Variants in TMCC1 observed in about 807,000 individuals in gnomAD.
TMCC1 encodes transmembrane and coiled-coil domains protein 1.
Under a neutral mutation model 52.4 loss-of-function variants are expected in TMCC1, and 15 were observed. The observed-to-expected ratio is 0.29, with a 90% confidence interval of 0.19 to 0.44. The LOEUF (loss-of-function observed/expected upper bound fraction) is 0.44. Among genes scored for constraint, TMCC1 ranks in the 20% least tolerant of loss-of-function variants. The probability of loss-of-function intolerance (pLI) is 1.00; values close to 1 mark genes in which losing one functional copy is unlikely to be tolerated. For synonymous variants in TMCC1, 279 were observed against 301.9 expected (o/e 0.92, Z 0.79); for missense variants, 503 against 806.0 (o/e 0.62, Z 4.55).
intron 1 of TMCC1, among the ~76,000 whole-genome samples, chr3:129,884,829 C>T (rs1560618827): frequency 6.6e-6 from 1 of 152,028 alleles, no homozygotes; most frequent in Middle Eastern, 3.4e-3. Flanking sequence ...CAATGGAACT[C>T]GAAAGTCATT....
chr3:129,670,179 C>A, intron 5 of TMCC1, 151 bp downstream of exon 5: 1 of 729,680 alleles, frequency 1.4e-6, no homozygotes, highest in Non-Finnish European at 2.2e-6. Context: ...AGCAATGCTT[C>A]ATCAGGAACT....
Position 129,849,421 on chromosome 3 carries a change from C to T in TMCC1, c.-183-16595G>A, listed in dbSNP as rs971583135. ...GTTGCAGTGAGCTGAGATTGCATGC[C>T]ACTGCACTCCAACCTGGGCAACAGA... On this transcript the variant is annotated intron_variant, in intron 2 of 6. Transcript: ENST00000393238. 2.0e-5 allele frequency among the ~76,000 whole-genome samples: 3 copies of T among 151,192 alleles called. No homozygotes were observed. The East Asian group carries it at 5.8e-4, about 29-fold the overall frequency.
chr3:129,866,251 TAATA>T (rs1490918544), intron 2 of TMCC1, among the ~76,000 whole-genome samples: 1 of 145,680 alleles, frequency 6.9e-6, no homozygotes, highest in Non-Finnish European at 1.5e-5. Context: ...TACATATATA[TAATA>T]TATATTATAC....
chr3:129,892,690 C>T (rs995210242), intron 1 of TMCC1: 2 of 152,218 alleles, frequency 1.3e-5, no homozygotes, highest in African/African-American at 4.8e-5. Flanking sequence ...GCCAACAGCT[C>T]AAGTGGGCTG....
At chr3:129,756,833 T>C (rs1241960662) in intron 4 of TMCC1, among the ~76,000 whole-genome samples, 2 of 152,208 alleles carry the variant, frequency 1.3e-5, no homozygotes, top group Non-Finnish European at 2.9e-5. Context: ...TGCCAGCAGT[T>C]GGTAGTGAGG....
chr3:129,810,050 G>C (rs2057714871), intron 4 of TMCC1, among the ~76,000 whole-genome samples: 1 of 152,122 alleles, frequency 6.6e-6, no homozygotes, highest in Non-Finnish European at 1.5e-5. Context: ...AAAAGATACT[G>C]ATACAGAACT....
chr3:129,774,643 G>T (rs979529284), intron 4 of TMCC1, among the ~76,000 whole-genome samples: 2 of 152,158 alleles, frequency 1.3e-5, no homozygotes, highest in African/African-American at 4.8e-5. Flanking sequence ...TTGGAGAAAT[G>T]ACACCTAGGC....
intron 4 of TMCC1, among the ~76,000 whole-genome samples, chr3:129,802,285 C>G (rs569367145): frequency 6.6e-6 from 1 of 152,288 alleles, no homozygotes; most frequent in East Asian, 1.9e-4. Flanking sequence ...AATATTACAC[C>G]TATGATTCCC....
intron 4 of TMCC1, among the ~76,000 whole-genome samples, chr3:129,768,625 G>A (rs1364203183): frequency 6.6e-6 from 1 of 152,154 alleles, no homozygotes; most frequent in African/African-American, 2.4e-5. Context: ...TCTGGTTTAG[G>A]ACTGTGCACA....
chr3:129,723,051 T>C (rs1015491030), intron 4 of TMCC1, among the ~76,000 whole-genome samples: 1 of 152,176 alleles, frequency 6.6e-6, no homozygotes, highest in Admixed American at 6.5e-5. Flanking sequence ...TTAGTATTTA[T>C]CTCTTAGAAA....
At chr3:129,832,649 C>A (rs1286072154) in intron 3 of TMCC1, 125 bp downstream of exon 3, 1 of 152,058 alleles carries the variant, frequency 6.6e-6, no homozygotes, top group Non-Finnish European at 1.5e-5. Context: ...ATTGCTTTGT[C>A]TTTTTTTCCC....
chr3:129,661,445 C>T (rs995023388), intron 5 of TMCC1, among the ~76,000 whole-genome samples: 15 of 151,970 alleles, frequency 9.9e-5, no homozygotes, highest in African/African-American at 2.9e-4. Flanking sequence ...GAAAAACCCA[C>T]AAACAAAAAC....
chr3:129,829,635 T>C (rs1252577890), intron 3 of TMCC1, among the ~76,000 whole-genome samples: 1 of 151,510 alleles, frequency 6.6e-6, no homozygotes, highest in Non-Finnish European at 1.5e-5. Flanking sequence ...TTTCTTTAAA[T>C]TTTTGTTTAA....
At chr3:129,885,583 T>C (rs2061655980) in intron 1 of TMCC1, among the ~76,000 whole-genome samples, 1 of 151,916 alleles carries the variant, frequency 6.6e-6, no homozygotes, top group South Asian at 2.1e-4. Flanking sequence ...AGACTTCATC[T>C]CAAAAAATAG....
At chr3:129,835,601 C>T (rs2059123488) in intron 2 of TMCC1, among the ~76,000 whole-genome samples, 1 of 151,970 alleles carries the variant, frequency 6.6e-6, no homozygotes, top group Non-Finnish European at 1.5e-5. Context: ...TTGTACTGTC[C>T]AAGAGTGTAA....
chr3:129,853,653 C>T (rs891839852), intron 2 of TMCC1, among the ~76,000 whole-genome samples: 55 of 142,572 alleles, frequency 3.9e-4, no homozygotes, highest in African/African-American at 1.4e-3. Context: ...AAAAAAAAAT[C>T]AATAAAATAA....
intron 4 of TMCC1, among the ~76,000 whole-genome samples, chr3:129,745,426 G>A (rs1350857733): frequency 2.0e-5 from 3 of 152,224 alleles, no homozygotes; most frequent in African/African-American, 7.2e-5. Context: ...GAGTAGTTTT[G>A]CATTTCTCTA....
At chr3:129,830,107 T>C (rs887393533) in intron 3 of TMCC1, among the ~76,000 whole-genome samples, 2 of 152,212 alleles carry the variant, frequency 1.3e-5, no homozygotes, top group East Asian at 1.9e-4. Flanking sequence ...GGAAGTTTCA[T>C]TGCCTTTCAC....
At chr3:129,733,232 A>G (rs994667044) in intron 4 of TMCC1, among the ~76,000 whole-genome samples, 4 of 152,234 alleles carry the variant, frequency 2.6e-5, no homozygotes, top group Non-Finnish European at 5.9e-5. Flanking sequence ...ACAGAAATAG[A>G]TAACTGGAGT....
Sources: gnomAD v4.1 joint callset for allele counts (sites outside exome capture counted in the v4.1 genomes callset) on GRCh38, gnomAD v4.1.1 for gene constraint, MANE v1.5 for transcripts, NCBI Gene and HGNC (gene_info 2026-07-23, HGNC 2026-07-21) for gene names.